Variants in CADPS2 observed in about 807,000 individuals in gnomAD.
The protein encoded by CADPS2 is calcium dependent secretion activator 2.
Under a neutral mutation model 172.5 loss-of-function variants are expected in CADPS2, and 93 were observed. That is an observed-to-expected ratio of 0.54 (90% CI 0.46 to 0.64). CADPS2 has a LOEUF of 0.64. Among genes scored for constraint, CADPS2 ranks in the 30% least tolerant of loss-of-function variants. CADPS2 has a pLI of 0.00. For synonymous variants in CADPS2, 546 were observed against 555.2 expected, an observed-to-expected ratio of 0.98 and a Z score of 0.23; for missense variants, 1,420 against 1,565.9, an observed-to-expected ratio of 0.91 and a Z score of 1.57.
chr7:122,850,259 CT>C (rs1249226626), intron 1 of CADPS2: 3 of 957,504 alleles, frequency 3.1e-6, no homozygotes, highest in Non-Finnish European at 4.3e-6. Flanking sequence ...TCCTGCTCCA[CT>C]GGGGGCCCCA....
At chr7:122,827,434 A>T (rs1805240101) in intron 1 of CADPS2, among the ~76,000 whole-genome samples, 1 of 152,122 alleles carries the variant, frequency 6.6e-6, no homozygotes. Context: ...GGAGTTTGCG[A>T]CCAGCCTGAC....
chr7:122,564,631 T>C (rs1373003192), intron 7 of CADPS2, among the ~76,000 whole-genome samples: 4 of 151,996 alleles, frequency 2.6e-5, no homozygotes, highest in Middle Eastern at 3.4e-3. Context: ...GAACTAAAAA[T>C]AGAAATATCA....
intron 1 of CADPS2, among the ~76,000 whole-genome samples, chr7:122,791,742 A>C: frequency 6.6e-6 from 1 of 152,174 alleles, no homozygotes; most frequent in Admixed American, 6.6e-5. Flanking sequence ...CTAATTATAA[A>C]CCACAATTTA....
chr7:122,828,035 T>C (rs62482485), intron 1 of CADPS2, among the ~76,000 whole-genome samples: 32,748 of 152,048 alleles, frequency 0.22, 3,774 homozygotes, highest in Middle Eastern at 0.31. Context: ...TAACTGTGGA[T>C]GTCTGATTTT....
chr7:122,507,211 T>A (rs950811973), intron 9 of CADPS2, among the ~76,000 whole-genome samples: 13 of 152,148 alleles, frequency 8.5e-5, no homozygotes, highest in African/African-American at 3.1e-4. Context: ...AAAAGGCACA[T>A]TCGAAAAGGC....
chr7:122,666,421 G>A (rs545421529), intron 2 of CADPS2, among the ~76,000 whole-genome samples: 53 of 148,458 alleles, frequency 3.6e-4, no homozygotes, highest in African/African-American at 1.2e-3. Context: ...TCGGTTCACT[G>A]CAAACTCCAC....
In CADPS2 at chr7:122,871,673, A is replaced by G. The variant is rs543501517; in HGVS notation, c.339+14326T>C. On this transcript the variant is annotated intron_variant, in intron 1 of 29. Transcript: ENST00000449022. ...CCTAAAATGAGTTCCCTGGGTCACCAATGTTAAGGGTAATCTCCATATTGC... is the reference window on the plus strand; with the variant it reads ...CCTAAAATGAGTTCCCTGGGTCACCGATGTTAAGGGTAATCTCCATATTGC... Among the ~76,000 whole-genome samples the G allele has an allele frequency of 2.0e-5, 3 of 152,202 alleles. No individual in the cohort carries two copies. The South Asian group carries it at 6.2e-4, about 32-fold the overall frequency.
intron 19 of CADPS2, among the ~76,000 whole-genome samples, chr7:122,413,250 A>C (rs1187488443): frequency 2.6e-5 from 4 of 152,186 alleles, no homozygotes; most frequent in Non-Finnish European, 5.9e-5. Context: ...AGTTTGCCTA[A>C]AATATCTGGT....
intron 1 of CADPS2, among the ~76,000 whole-genome samples, chr7:122,862,252 A>G (rs1817131956): frequency 6.6e-6 from 1 of 152,242 alleles, no homozygotes; most frequent in South Asian, 2.1e-4. Context: ...CAGTCTGGAT[A>G]TTCTTCCTTT....
chr7:122,689,204 C>G (rs912947204), intron 2 of CADPS2, among the ~76,000 whole-genome samples: 3 of 152,132 alleles, frequency 2.0e-5, no homozygotes, highest in Admixed American at 2.0e-4. Context: ...ATCATCAAGG[C>G]GCTCAATCAC....
intron 2 of CADPS2, among the ~76,000 whole-genome samples, chr7:122,725,376 T>C (rs769124614): frequency 1.7e-4 from 26 of 151,946 alleles, no homozygotes; most frequent in Non-Finnish European, 3.4e-4. Flanking sequence ...TATGCGTGTG[T>C]GTGTGTATAT....
In CADPS2 at chr7:122,505,648, C is replaced by T. The variant is rs148507913; in HGVS notation, c.1542+7601G>A. Among the ~76,000 whole-genome samples the T allele has an allele frequency of 2.9e-4, 44 of 152,228 alleles. No individual in the cohort carries two copies. In the East Asian group the frequency reaches 5.8e-3, roughly 20 times the overall value. ...AGATGGAAGAGTAATAAAATACCAACAACTAACAGAGCTGTCACTGACAAT... is the reference window on the plus strand; with the variant it reads ...AGATGGAAGAGTAATAAAATACCAATAACTAACAGAGCTGTCACTGACAAT... On this transcript the variant is annotated intron_variant, in intron 9 of 29. Coordinates refer to ENST00000449022, the MANE Select transcript of CADPS2 (RefSeq NM_017954.11).
chr7:122,507,258 T>C (rs2059677529), intron 9 of CADPS2, among the ~76,000 whole-genome samples: 1 of 152,038 alleles, frequency 6.6e-6, no homozygotes, highest in Admixed American at 6.6e-5. Flanking sequence ...CATGAAGGAA[T>C]GAGCCATGCA....
chr7:122,424,387 G>A (rs1348013557), intron 17 of CADPS2: 1 of 951,798 alleles, frequency 1.1e-6, no homozygotes, highest in East Asian at 1.2e-4. Context: ...TTGAACAAAG[G>A]AGAATTGGCC....
intron 1 of CADPS2, among the ~76,000 whole-genome samples, chr7:122,797,929 AT>A (rs1796753496): frequency 6.6e-6 from 1 of 152,032 alleles, no homozygotes. Flanking sequence ...TCATTCTCTA[AT>A]TCATAGAGAT....
chr7:122,810,813 C>A (rs980550705), intron 1 of CADPS2, among the ~76,000 whole-genome samples: 1 of 152,198 alleles, frequency 6.6e-6, no homozygotes, highest in Admixed American at 6.5e-5. Flanking sequence ...AGGCTGGTAT[C>A]AAACTCCTGG....
chr7:122,762,538 T>A (rs930631439), intron 1 of CADPS2, among the ~76,000 whole-genome samples: 4 of 152,166 alleles, frequency 2.6e-5, no homozygotes, highest in Non-Finnish European at 5.9e-5. Context: ...AGGAAACTGA[T>A]TTGCCATTAA....
chr7:122,325,222 G>T (rs965442058), intron 29 of CADPS2, among the ~76,000 whole-genome samples: 1 of 151,998 alleles, frequency 6.6e-6, no homozygotes, highest in African/African-American at 2.4e-5. Context: ...ACTTCCTTCA[G>T]GTAACTGTGC....
In CADPS2 at chr7:122,554,641, G is replaced by A. The variant is rs1390654674; in HGVS notation, c.1384C>T (p.Arg462Ter). The change falls in exon 8 of 30, where the codon CGA becomes TGA. Residue 462 changes from arginine to a stop codon, truncating the protein, a stop_gained. Coordinates refer to ENST00000449022, the MANE Select transcript of CADPS2 (RefSeq NM_017954.11). LOFTEE classifies it high-confidence loss of function. The stretch of plus-strand genomic sequence containing the variant: ...TGGCTATTTTTTGGAACTACCATTC[G>A]GTGTAATTCAGCTGATTTGGAGCTA... ...SNSSKSAELHRMVVPKNSQDS... is the reference protein window; with the variant it reads ...SNSSKSAELH The A allele has an allele frequency of 3.7e-6, 6 of 1,610,442 alleles. No homozygotes were observed. The highest frequency in any genetic ancestry group is 1.3e-5 in the African/African-American group (1 of 74,650).
Sources: gnomAD v4.1 joint callset for allele counts (sites outside exome capture counted in the v4.1 genomes callset) on GRCh38, gnomAD v4.1.1 for gene constraint, MANE v1.5 for transcripts, NCBI Gene and HGNC (gene_info 2026-07-23, HGNC 2026-07-21) for gene names.